SHISA9: variants seen among roughly 807,000 people sequenced by gnomAD.
The protein encoded by SHISA9 is protein shisa-9.
In SHISA9, 13 loss-of-function variants were observed where a neutral mutation model predicts 38.0. The ratio of observed to expected loss-of-function variants is 0.34; its 90% CI spans 0.22 to 0.54. The LOEUF is 0.54. Among genes scored for constraint, SHISA9 ranks in the 20% least tolerant of loss-of-function variants. The pLI is 0.91. For missense variants in SHISA9, 538 were observed against 575.8 expected, an observed-to-expected ratio of 0.93 and a Z score of 0.67; for synonymous variants, 275 against 242.0, an observed-to-expected ratio of 1.14 and a Z score of -1.27.
the SHISA9 span, among the ~76,000 whole-genome samples, chr16:13,548,250 AT>A: frequency 2.2e-5 from 3 of 136,500 alleles, no homozygotes; most frequent in South Asian, 9.2e-4. Flanking sequence ...ACTCAAAACA[AT>A]AAAACTACTA....
intron 2 of SHISA9, among the ~76,000 whole-genome samples, chr16:13,054,918 C>T (rs2141903185): frequency 6.6e-6 from 1 of 152,310 alleles, no homozygotes; most frequent in South Asian, 2.1e-4. Flanking sequence ...TAGTCTAACC[C>T]TAGTTTGCTT....
intron 2 of SHISA9, among the ~76,000 whole-genome samples, chr16:12,974,897 A>G (rs972718855): frequency 1.2e-4 from 19 of 152,174 alleles, no homozygotes; most frequent in African/African-American, 3.6e-4. Flanking sequence ...ATTTACATCT[A>G]TCACATCCAT....
rs1437118658 is a variant in SHISA9 at position 13,148,688 on chromosome 16, A to AGC, written c.692-54705_692-54704dup. 2.0e-3 allele frequency among the ~76,000 whole-genome samples: 135 copies of AGC among 67,316 alleles called. 2 individuals are homozygous for AGC. Among genetic ancestry groups the AGC allele is most frequent in the Non-Finnish European group, 1.8e-3 (68 of 37,556 alleles). 44.2% of individuals were successfully genotyped at this position (67,316 alleles called of 152,430 possible). A position where few individuals can be genotyped will look rare whatever the true frequency, so the allele number is the denominator to read the frequency against. Reference sequence around the variant, plus strand: ...ATCCTCATTCTCTCACACATACACAAGCACACACACACACACACACACACA... The same window carrying AGC: ...ATCCTCATTCTCTCACACATACACAAGCGCACACACACACACACACACACACA... On this transcript the variant is annotated intron_variant, in intron 2 of 4. Coordinates refer to ENST00000558583, the MANE Select transcript of SHISA9 (RefSeq NM_001145204.3).
chr16:13,404,376 G>T, the SHISA9 span, among the ~76,000 whole-genome samples: 3 of 152,202 alleles, frequency 2.0e-5, no homozygotes, highest in Non-Finnish European at 4.4e-5. Context: ...ATATATTAGA[G>T]AAATTTGTCC....
chr16:13,489,856 A>G, the SHISA9 span, among the ~76,000 whole-genome samples: 1 of 152,184 alleles, frequency 6.6e-6, no homozygotes, highest in Non-Finnish European at 1.5e-5. Flanking sequence ...TAACATTCCC[A>G]AGGTCACAGT....
chr16:13,106,394 T>C (rs1432656458), intron 2 of SHISA9, among the ~76,000 whole-genome samples: 1 of 152,166 alleles, frequency 6.6e-6, no homozygotes, highest in Admixed American at 6.5e-5. Flanking sequence ...TCTGTGGCTT[T>C]GGGTGACTCA....
At chr16:13,133,008 C>T (rs566247172) in intron 2 of SHISA9, among the ~76,000 whole-genome samples, 18 of 152,188 alleles carry the variant, frequency 1.2e-4, no homozygotes, top group African/African-American at 4.3e-4. Context: ...CAGGCAAAGC[C>T]ATCATTTTTT....
At chr16:13,498,411 T>G in the SHISA9 span, among the ~76,000 whole-genome samples, 81 of 152,262 alleles carry the variant, frequency 5.3e-4, 1 homozygote, top group African/African-American at 1.7e-3. Flanking sequence ...TCAAAAGTCT[T>G]AAAAATATTC....
the SHISA9 span, among the ~76,000 whole-genome samples, chr16:13,550,930 T>C: frequency 3.3e-5 from 5 of 152,256 alleles, no homozygotes; most frequent in South Asian, 1.0e-3. Context: ...GAGACCAGCC[T>C]GGCCAACACA....
rs2051370280 is a variant in SHISA9, at chr16:13,235,198, T to C, written c.1064T>C (p.Met355Thr). Residue 355 changes from methionine (M) to threonine (T), a missense_variant, in exon 5 of 5, where the codon ATG (methionine) becomes ACG (threonine). Physicochemically the swap from Met to Thr is moderately conservative, Grantham distance 81. Coordinates refer to ENST00000558583, the MANE Select transcript of SHISA9 (RefSeq NM_001145204.3). ...QNGQKSRTNK[M>T]PPHPLAYTST... is the part of the protein sequence containing the mutation. ...GGACAGAAGTCCCGCACCAACAAGATGCCCCCACATCCCCTGGCCTACACC... is the reference window on the plus strand; with the variant it reads ...GGACAGAAGTCCCGCACCAACAAGACGCCCCCACATCCCCTGGCCTACACC... 6.4e-7 allele frequency: 1 copy of C among 1,551,630 alleles called. No individual in the cohort carries two copies. The highest frequency in any genetic ancestry group is 1.4e-5 in the African/African-American group (1 of 73,008).
chr16:13,351,515 T>G, the SHISA9 span, among the ~76,000 whole-genome samples: 2 of 152,072 alleles, frequency 1.3e-5, no homozygotes, highest in African/African-American at 4.8e-5. Flanking sequence ...TGTAAGGGCA[T>G]CTCCAGGTCC....
At chr16:12,985,681 C>G (rs1327780050) in intron 2 of SHISA9, among the ~76,000 whole-genome samples, 1 of 152,160 alleles carries the variant, frequency 6.6e-6, no homozygotes, top group Non-Finnish European at 1.5e-5. Flanking sequence ...GGATGACAAA[C>G]AGCTGGTGTT....
intron 2 of SHISA9, among the ~76,000 whole-genome samples, chr16:13,140,132 TTCCCTTCCCTCCCC>T: frequency 4.4e-5 from 1 of 22,802 alleles, no homozygotes; most frequent in South Asian, 2.8e-3. Context: ...TTCCCTTCCC[TTCCCTTCCCTCCCC>T]TCCCCTCCCC....
At chr16:13,268,778 A>G in the SHISA9 span, among the ~76,000 whole-genome samples, 1 of 152,208 alleles carries the variant, frequency 6.6e-6, no homozygotes, top group Admixed American at 6.5e-5. Context: ...ACATGCATCC[A>G]GAATAAAAAG....
At chr16:13,299,507 A>G in the SHISA9 span, among the ~76,000 whole-genome samples, 1 of 152,166 alleles carries the variant, frequency 6.6e-6, no homozygotes, top group Non-Finnish European at 1.5e-5. Context: ...TGAGGTCAAG[A>G]GTTCGAGACC....
chr16:13,346,861 A>G, the SHISA9 span, among the ~76,000 whole-genome samples: 1 of 152,236 alleles, frequency 6.6e-6, no homozygotes, highest in Non-Finnish European at 1.5e-5. Context: ...CCCTTAAAAA[A>G]TATGGTGGTG....
the SHISA9 span, among the ~76,000 whole-genome samples, chr16:13,539,620 G>A: frequency 6.6e-6 from 1 of 151,850 alleles, no homozygotes; most frequent in Non-Finnish European, 1.5e-5. Flanking sequence ...TTTATTTTAG[G>A]TTCAGAGGGT....
At chr16:13,412,906 CAATT>C in the SHISA9 span, among the ~76,000 whole-genome samples, 1 of 151,692 alleles carries the variant, frequency 6.6e-6, no homozygotes, top group Non-Finnish European at 1.5e-5. Flanking sequence ...AGGAGAAAGA[CAATT>C]AAATAACAAA....
At chr16:13,081,773 A>G (rs2073652690) in intron 2 of SHISA9, among the ~76,000 whole-genome samples, 1 of 149,092 alleles carries the variant, frequency 6.7e-6, no homozygotes, top group Non-Finnish European at 1.5e-5. Context: ...AACTGCTTGA[A>G]CCCGGGAGGC....
Sources: gnomAD v4.1 joint callset for allele counts (sites outside exome capture counted in the v4.1 genomes callset) on GRCh38, gnomAD v4.1.1 for gene constraint, MANE v1.5 for transcripts, NCBI Gene and HGNC (gene_info 2026-07-23, HGNC 2026-07-21) for gene names.